The following YEATS2 variants were observed in gnomAD, a reference collection of about 807,000 sequenced individuals.
YEATS2 encodes YEATS domain-containing protein 2.
In YEATS2, 77 loss-of-function variants were observed where a neutral mutation model predicts 163.2. The observed-to-expected ratio is 0.47, with a 90% CI of 0.39 to 0.57. The LOEUF (loss-of-function observed/expected upper bound fraction) is 0.57. YEATS2 is among the 20% of genes least tolerant of loss of function. The probability of loss-of-function intolerance (pLI) is 0.00; values close to 1 mark genes in which losing one functional copy is unlikely to be tolerated. For synonymous variants in YEATS2, 631 were observed against 645.1 expected (o/e 0.98, Z 0.33); for missense variants, 1,549 against 1,729.8 (o/e 0.90, Z 1.85).
intron 15 of YEATS2, among the ~76,000 whole-genome samples, chr3:183,768,442 G>C (rs1722128392): frequency 6.6e-6 from 1 of 152,196 alleles, no homozygotes; most frequent in Non-Finnish European, 1.5e-5. Flanking sequence ...CTGAAAACTG[G>C]GGGCTCTGTT....
At chr3:183,730,063 T>G (rs571634485) in intron 7 of YEATS2, among the ~76,000 whole-genome samples, 3,735 of 94,544 alleles carry the variant, frequency 0.04, 172 homozygotes, top group Non-Finnish European at 0.049. Flanking sequence ...TTTTTTTTTT[T>G]TTTTTTTTTT....
intron 21 of YEATS2, among the ~76,000 whole-genome samples, chr3:183,797,256 G>A (rs1370123715): frequency 8.1e-5 from 11 of 135,138 alleles, no homozygotes; most frequent in East Asian, 2.3e-4. Flanking sequence ...GTGACAGAGC[G>A]AGATCCAACT....
Position 183,728,831 on chromosome 3 carries a change from A to G in YEATS2, c.792A>G (p.Pro264=). The G allele has an allele frequency of 6.2e-7, 1 of 1,611,986 alleles. No homozygotes were observed. Among genetic ancestry groups the G allele is most frequent in the Non-Finnish European group, 8.5e-7 (1 of 1,179,448 alleles). Residue 264 remains proline (P), a synonymous_variant, in exon 7 of 31, where the codon CCA becomes CCG. Transcript: ENST00000305135. ...TCTTCCTTCATCCTAGCTATAAACC[A>G]AATGACCTTGTGGAAGTTAGGTAAG... is the stretch of plus-strand genomic sequence containing the variant. The part of the protein sequence containing the change: ...VWFFLHPSYK[P]NDLVEVREPP...
intron 19 of YEATS2, among the ~76,000 whole-genome samples, chr3:183,785,378 A>G (rs1316700895): frequency 2.7e-5 from 4 of 150,614 alleles, no homozygotes; most frequent in African/African-American, 4.9e-5. Flanking sequence ...AGTCCTAGCT[A>G]CTCGGGAGGC....
At position 183,804,017 on chromosome 3, in the gene YEATS2, T is replaced by G; in HGVS notation, c.3613T>G (p.Leu1205Val). ...AAGAGCAATGACAATGCGAAAAGTCTTACAAGAAATCCTGGAGAAGAATCC... is the reference window on the plus strand; with the variant it reads ...AAGAGCAATGACAATGCGAAAAGTCGTACAAGAAATCCTGGAGAAGAATCC... ...WQRAMTMRKVLQEILEKNPRF... is the reference protein window; with the variant it reads ...WQRAMTMRKVVQEILEKNPRF... The change falls in exon 27 of 31, where the codon TTA becomes GTA. Residue 1205 changes from leucine to valine, a missense_variant. Physicochemically the swap from Leu to Val is conservative, Grantham distance 32 (BLOSUM62 1). Coordinates refer to ENST00000305135, the MANE Select transcript of YEATS2 (RefSeq NM_018023.5). 6 of 1,614,106 alleles carry G rather than the reference T, an allele frequency of 3.7e-6. No homozygotes were observed. The highest frequency in any genetic ancestry group is 5.1e-6 in the Non-Finnish European group (6 of 1,180,032).
At chr3:183,787,058 G>C (rs776728132) in intron 20 of YEATS2, among the ~76,000 whole-genome samples, 1 of 152,046 alleles carries the variant, frequency 6.6e-6, no homozygotes, top group Admixed American at 6.6e-5. Context: ...GGGTTCAAGC[G>C]ATTCCCCTGC....
intron 8 of YEATS2, among the ~76,000 whole-genome samples, chr3:183,747,119 T>G (rs1007477807): frequency 2.0e-5 from 3 of 152,196 alleles, no homozygotes; most frequent in Admixed American, 2.0e-4. Flanking sequence ...GCCAGTATAT[T>G]TGAAGTCATT....
chr3:183,747,311 A>T (rs1369902418), intron 8 of YEATS2, among the ~76,000 whole-genome samples: 2 of 152,174 alleles, frequency 1.3e-5, no homozygotes, highest in Non-Finnish European at 2.9e-5. Flanking sequence ...TCAGAGATTG[A>T]TGGTCCATGG....
chr3:183,785,514 C>T (rs1723983054), intron 19 of YEATS2, among the ~76,000 whole-genome samples: 1 of 148,184 alleles, frequency 6.7e-6, no homozygotes, highest in Non-Finnish European at 1.5e-5. Context: ...AAAAAATCAA[C>T]CAGATGTGGC....
At chr3:183,723,142 T>C (rs1199202376) in intron 5 of YEATS2, among the ~76,000 whole-genome samples, 1 of 152,262 alleles carries the variant, frequency 6.6e-6, no homozygotes. Context: ...TGTGAGACTT[T>C]ATATTCTAAG....
At position 183,752,239 on chromosome 3, in the gene YEATS2, C is replaced by A; in HGVS notation, c.1136C>A (p.Thr379Asn). 6.2e-7 allele frequency: 1 copy of A among 1,614,180 alleles called. No individual in the cohort carries two copies. Among genetic ancestry groups the A allele is most frequent in the Non-Finnish European group, 8.5e-7 (1 of 1,180,038 alleles). Residue 379 changes from threonine (T) to asparagine (N), a missense_variant, in exon 10 of 31, where the codon ACC becomes AAC. Coordinates refer to ENST00000305135, the MANE Select transcript of YEATS2 (RefSeq NM_018023.5). ...CAGTCACATGAGCCAGTACCCGATA[C>A]CTCTGTGGAGAAAGGTAATACAGCA... ...IKQSHEPVPD[T>N]SVEKGFPAST...
chr3:183,734,161 A>T (rs949566666), intron 7 of YEATS2, among the ~76,000 whole-genome samples: 2 of 152,186 alleles, frequency 1.3e-5, no homozygotes, highest in Non-Finnish European at 2.9e-5. Context: ...AAGTACCCAG[A>T]AGAAGTGATT....
chr3:183,776,177 C>T (rs547985541), intron 18 of YEATS2, 54 bp downstream of exon 18: 1 of 1,480,654 alleles, frequency 6.8e-7, no homozygotes, highest in Non-Finnish European at 9.1e-7. Flanking sequence ...GATAACTATG[C>T]TTAATTATAA....
At chr3:183,722,322 T>C (rs1716602066) in intron 5 of YEATS2, among the ~76,000 whole-genome samples, 186 bp downstream of exon 5, 1 of 131,646 alleles carries the variant, frequency 7.6e-6, no homozygotes, top group African/African-American at 2.9e-5. Flanking sequence ...AGAGTTTTGC[T>C]CTGTTGCCCA....
chr3:183,745,490 C>T (rs1413887526), intron 8 of YEATS2, among the ~76,000 whole-genome samples: 1 of 152,160 alleles, frequency 6.6e-6, no homozygotes, highest in African/African-American at 2.4e-5. Context: ...CTCTTCCCCT[C>T]CTCAGATGCT....
chr3:183,775,909 T>A lies in YEATS2; in HGVS notation c.2369-6T>A. The stretch of plus-strand genomic sequence containing the variant: ...ATGATGTTGCTGTCATTCATTGTAT[T>A]TTTAGATCTCCAGTCTGGCTCAGCT... On this transcript the variant is annotated splice_polypyrimidine_tract_variant and splice_region_variant and intron_variant, in intron 17 of 30. Transcript: ENST00000305135. 6.2e-7 allele frequency: 1 copy of A among 1,611,984 alleles called. No homozygotes were observed. The highest frequency in any genetic ancestry group is 1.3e-5 in the African/African-American group (1 of 74,994).
At chr3:183,745,862 C>T (rs1719481870) in intron 8 of YEATS2, among the ~76,000 whole-genome samples, 1 of 152,060 alleles carries the variant, frequency 6.6e-6, no homozygotes, top group African/African-American at 2.4e-5. Flanking sequence ...GACAGGATCT[C>T]GCTTTGTCAC....
At chr3:183,710,242 C>T (rs557188508) in intron 1 of YEATS2, among the ~76,000 whole-genome samples, 3 of 152,296 alleles carry the variant, frequency 2.0e-5, no homozygotes, top group Admixed American at 1.3e-4. Flanking sequence ...AACAACTGCT[C>T]ATGTTTCCTT....
At chr3:183,802,300 TAGGGCTCTGAACACATACACC>T (rs1281996845) in intron 25 of YEATS2, 1 of 152,576 alleles carries the variant, frequency 6.6e-6, no homozygotes, top group East Asian at 1.9e-4. Context: ...CTCAGATTTG[TAGGGCTCTGAACACATACACC>T]AGGTACAGAC....
Sources: gnomAD v4.1 joint callset for allele counts (sites outside exome capture counted in the v4.1 genomes callset) on GRCh38, gnomAD v4.1.1 for gene constraint, MANE v1.5 for transcripts, NCBI Gene and HGNC (gene_info 2026-07-23, HGNC 2026-07-21) for gene names.